MARCHF11: variants seen among roughly 807,000 people sequenced by gnomAD.
The protein encoded by MARCHF11 is membrane associated ring-CH-type finger 11.
A neutral mutation model predicts 37.3 loss-of-function variants in MARCHF11; 29 were observed. That is an observed-to-expected ratio of 0.78 (90% confidence interval 0.58 to 1.06). The LOEUF is 1.06. MARCHF11 is among the 50% of genes least tolerant of loss of function. MARCHF11 has a pLI of 0.00. For synonymous variants in MARCHF11, 233 were observed against 228.0 expected (o/e 1.02, Z -0.20); for missense variants, 482 against 533.4 (o/e 0.90, Z 0.95).
chr5:16,131,439 T>G (rs1737512871), intron 2 of MARCHF11, among the ~76,000 whole-genome samples: 1 of 152,124 alleles, frequency 6.6e-6, no homozygotes, highest in Admixed American at 6.6e-5. Flanking sequence ...GTAATTATAC[T>G]AAAAGAAGGG....
chr5:16,125,548 T>A (rs1053116563), intron 2 of MARCHF11, among the ~76,000 whole-genome samples: 4 of 151,892 alleles, frequency 2.6e-5, no homozygotes, highest in Non-Finnish European at 4.4e-5. Context: ...TTGGAGCTTT[T>A]AAAGGCAGCC....
At chr5:16,155,169 A>G (rs1237018737) in intron 2 of MARCHF11, among the ~76,000 whole-genome samples, 1 of 151,932 alleles carries the variant, frequency 6.6e-6, no homozygotes, top group Non-Finnish European at 1.5e-5. Flanking sequence ...CACACTAACT[A>G]CTAGACTATT....
Position 16,067,226 on chromosome 5 carries a change from T to C in MARCHF11, c.*245A>G, listed in dbSNP as rs1483253880. ...CTTTCATTATTCTTTTAACCAAGTA[T>C]AGTTAAATTATATGTATAATGATTT... On this transcript the variant is annotated 3_prime_UTR_variant, in exon 4 of 4. Coordinates refer to ENST00000332432, the MANE Select transcript of MARCHF11 (RefSeq NM_001102562.3). The C allele has an allele frequency of 7.6e-6, 3 of 394,694 alleles. No homozygotes were observed. The highest frequency in any genetic ancestry group is 6.5e-5 in the South Asian group (1 of 15,306). The allele number at this position is 394,694 out of a possible 1,614,324, so 24.4% of individuals were successfully genotyped here. A position where few individuals can be genotyped will look rare whatever the true frequency, so the allele number is the denominator to read the frequency against.
intron 2 of MARCHF11, among the ~76,000 whole-genome samples, chr5:16,159,574 A>G (rs4608920): frequency 3.3e-5 from 5 of 152,148 alleles, no homozygotes; most frequent in African/African-American, 1.2e-4. Context: ...AATACCCATT[A>G]TTAATGTTCT....
chr5:16,149,921 G>A (rs1737865249), intron 2 of MARCHF11, among the ~76,000 whole-genome samples: 1 of 136,958 alleles, frequency 7.3e-6, no homozygotes, highest in African/African-American at 3.6e-5. Flanking sequence ...GTTAATCCAA[G>A]GAAGCCCAAG....
chr5:16,098,881 T>C (rs989482687), intron 2 of MARCHF11, among the ~76,000 whole-genome samples: 1 of 151,934 alleles, frequency 6.6e-6, no homozygotes, highest in Non-Finnish European at 1.5e-5. Context: ...ACAACAAAAA[T>C]CATAAATGAC....
At chr5:16,178,970 G>A in intron 1 of MARCHF11, 69 bp downstream of exon 1, 2 of 1,354,464 alleles carry the variant, frequency 1.5e-6, no homozygotes, top group East Asian at 3.1e-5. Context: ...CGCTGTCCGT[G>A]GTGCTGAAAG....
At chr5:16,160,443 T>A (rs994663642) in intron 2 of MARCHF11, among the ~76,000 whole-genome samples, 2 of 147,520 alleles carry the variant, frequency 1.4e-5, no homozygotes, top group East Asian at 3.9e-4. Context: ...ATATAAAATA[T>A]CTTTTATATT....
intron 3 of MARCHF11, among the ~76,000 whole-genome samples, chr5:16,079,702 C>G (rs935117486): frequency 1.3e-5 from 2 of 152,180 alleles, no homozygotes; most frequent in Non-Finnish European, 2.9e-5. Flanking sequence ...TCATTGCTCT[C>G]CTCCGAGTCT....
intron 2 of MARCHF11, among the ~76,000 whole-genome samples, chr5:16,111,725 G>A (rs948567326): frequency 6.6e-6 from 1 of 152,190 alleles, no homozygotes; most frequent in African/African-American, 2.4e-5. Context: ...CAAGACAATA[G>A]GGAAAATGTC....
intron 2 of MARCHF11, among the ~76,000 whole-genome samples, chr5:16,100,247 C>T (rs1158242593): frequency 1.3e-5 from 2 of 152,164 alleles, no homozygotes; most frequent in Middle Eastern, 3.2e-3. Context: ...GATTCTTCCC[C>T]ACCTTCCTCG....
At chr5:16,136,506 C>T (rs1025168829) in intron 2 of MARCHF11, among the ~76,000 whole-genome samples, 2 of 152,030 alleles carry the variant, frequency 1.3e-5, no homozygotes, top group African/African-American at 4.8e-5. Flanking sequence ...GAAACAATAG[C>T]AAAATGACTA....
chr5:16,142,464 A>G (rs1012019701), intron 2 of MARCHF11, among the ~76,000 whole-genome samples: 1 of 152,106 alleles, frequency 6.6e-6, no homozygotes, highest in Non-Finnish European at 1.5e-5. Flanking sequence ...CGCAGGGTAA[A>G]CACATAGCAA....
At chr5:16,173,183 T>C (rs895981699) in intron 2 of MARCHF11, among the ~76,000 whole-genome samples, 5 of 152,284 alleles carry the variant, frequency 3.3e-5, no homozygotes, top group Middle Eastern at 6.8e-3. Flanking sequence ...AGGCCTTCGG[T>C]GCTCCAAGCA....
chr5:16,084,556 T>C lies in MARCHF11; in HGVS notation c.886+6333A>G, dbSNP rs528271774. 9.2e-5 allele frequency among the ~76,000 whole-genome samples: 14 copies of C among 151,502 alleles called. No homozygotes were observed. The East Asian group carries it at 2.0e-3, about 21-fold the overall frequency. ...TACTCAGGAGGCTGAGGAAGGAGAATCACTTGAACCCAGGAGATGGATGTT... is the reference window on the plus strand; with the variant it reads ...TACTCAGGAGGCTGAGGAAGGAGAACCACTTGAACCCAGGAGATGGATGTT... On this transcript the variant is annotated intron_variant, in intron 3 of 3. Transcript: ENST00000332432.
intron 2 of MARCHF11, among the ~76,000 whole-genome samples, chr5:16,105,134 C>T (rs764409231): frequency 1.3e-5 from 2 of 152,340 alleles, no homozygotes; most frequent in East Asian, 1.9e-4. Context: ...GCTGCCCCAC[C>T]CATCTCCCAG....
Position 16,179,120 on chromosome 5 carries a change from A to G in MARCHF11, c.456T>C (p.Ser152=). 1 of 1,490,760 alleles carries G rather than the reference A, an allele frequency of 6.7e-7. No individual in the cohort carries two copies. The highest frequency in any genetic ancestry group is 2.9e-5 in the East Asian group (1 of 34,414). 92.3% of individuals were successfully genotyped at this position (1,490,760 alleles called of 1,614,324 possible). A position where few individuals can be genotyped will look rare whatever the true frequency, so the allele number is the denominator to read the frequency against. The change falls in exon 1 of 4, where the codon AGT becomes AGC. Residue 152 remains serine, a synonymous_variant. Transcript: ENST00000332432. ...GCCCAGCGCGCTGGTCGCCGCCGCCACTGCTGCTGCTGCGGCTGCTGCACA... is the reference window on the plus strand; with the variant it reads ...GCCCAGCGCGCTGGTCGCCGCCGCCGCTGCTGCTGCTGCGGCTGCTGCACA... ...RSVCSSRSSS[S]GGGDQRAGHQ...
At chr5:16,162,699 T>C (rs1227467421) in intron 2 of MARCHF11, among the ~76,000 whole-genome samples, 1 of 152,020 alleles carries the variant, frequency 6.6e-6, no homozygotes, top group African/African-American at 2.4e-5. Context: ...CTTTTATTCA[T>C]TCCCAGTGAC....
intron 2 of MARCHF11, among the ~76,000 whole-genome samples, chr5:16,119,518 C>T (rs545814906): frequency 1.3e-5 from 2 of 152,194 alleles, no homozygotes; most frequent in East Asian, 3.9e-4. Flanking sequence ...CTCCAGATGC[C>T]TCTCTGGGAG....
Sources: allele counts gnomAD v4.1 joint callset (sites outside exome capture counted in the v4.1 genomes callset), GRCh38; gene constraint gnomAD v4.1.1; transcripts MANE v1.5; gene names NCBI Gene and HGNC (gene_info 2026-07-23, HGNC 2026-07-21).